The following TSPEAR variants were observed in gnomAD, a reference collection of about 807,000 sequenced individuals.
TSPEAR encodes the protein thrombospondin-type laminin G domain and EAR repeat-containing protein.
Under a neutral mutation model 71.6 loss-of-function variants are expected in TSPEAR, and 69 were observed. The observed-to-expected ratio is 0.96, with a 90% CI of 0.79 to 1.18. The LOEUF (loss-of-function observed/expected upper bound fraction) is 1.18, where lower values mean the gene tolerates loss of function less well. Among genes scored for constraint, TSPEAR ranks in the 50% most tolerant of loss-of-function variants. The probability of loss-of-function intolerance (pLI) is 0.00; values close to 1 mark genes in which losing one functional copy is unlikely to be tolerated. For missense variants in TSPEAR, 971 were observed against 894.9 expected, an observed-to-expected ratio of 1.09 and a Z score of -1.09; for synonymous variants, 402 against 387.2, an observed-to-expected ratio of 1.04 and a Z score of -0.45.
intron 9 of TSPEAR, among the ~76,000 whole-genome samples, chr21:44,516,760 C>G (rs1456982506): frequency 1.3e-5 from 2 of 152,196 alleles, no homozygotes; most frequent in African/African-American, 4.8e-5. Context: ...ATTCTCCTTT[C>G]ATGCTTAAAA....
rs587683778 is a variant in TSPEAR at position 44,627,192 on chromosome 21, C to T, written c.83-59187G>A. On this transcript the variant is annotated intron_variant, in intron 1 of 11. Transcript: ENST00000323084. ...CCAGCATGGCCGCGTCCACCATGTC[C>T]ATCCGCTCCAGCGCTTACTCCGACT... 1,473 of 1,612,198 alleles carry T rather than the reference C, an allele frequency of 9.1e-4. 11 individuals carry two copies. In the African/African-American group the frequency reaches 0.017, roughly 19 times the overall value.
chr21:44,579,792 G>A (rs199500284), intron 1 of TSPEAR: 224 of 1,608,716 alleles, frequency 1.4e-4, no homozygotes, highest in African/African-American at 1.1e-4. Flanking sequence ...CACGCGGGGC[G>A]GCAGAGGAGG....
In TSPEAR at chr21:44,666,864, G is replaced by T. The variant is rs373803066; in HGVS notation, c.82+44569C>A. 2.5e-6 allele frequency: 4 copies of T among 1,613,690 alleles called. No homozygotes were observed. The East Asian group carries it at 8.9e-5, about 36-fold the overall frequency. On this transcript the variant is annotated intron_variant, in intron 1 of 11. Coordinates refer to ENST00000323084, the MANE Select transcript of TSPEAR (RefSeq NM_144991.3). ...CGCGCAGCAGGCTGGCTGGCAGCCCGAGGAGCAGCTGGTATGACACATGGT... is the reference window on the plus strand; with the variant it reads ...CGCGCAGCAGGCTGGCTGGCAGCCCTAGGAGCAGCTGGTATGACACATGGT...
chr21:44,677,327 C>T (rs1883040), intron 1 of TSPEAR: 39 of 1,228,630 alleles, frequency 3.2e-5, no homozygotes, highest in African/African-American at 6.0e-5. Context: ...TCTTCTTGCC[C>T]TCAATCTCAG....
At chr21:44,560,253 AT>A (rs2053613177) in intron 2 of TSPEAR, among the ~76,000 whole-genome samples, 3 of 152,180 alleles carry the variant, frequency 2.0e-5, no homozygotes, top group Non-Finnish European at 4.4e-5. Flanking sequence ...TTACATAATG[AT>A]AAAGGGATCA....
At chr21:44,697,854 C>T (rs201500011) in intron 1 of TSPEAR, 4 of 1,603,994 alleles carry the variant, frequency 2.5e-6, no homozygotes, top group Non-Finnish European at 8.5e-7. Context: ...TGTGTCCCCA[C>T]CTCCTCCTGC....
In TSPEAR at chr21:44,528,480, A is replaced by G; in HGVS notation, c.894T>C (p.Val298=). The change falls in exon 6 of 12, where the codon GTT becomes GTC. Residue 298 remains valine, a synonymous_variant. Coordinates refer to ENST00000323084, the MANE Select transcript of TSPEAR (RefSeq NM_144991.3). The stretch of plus-strand genomic sequence containing the variant: ...CTAACACGGAGACCCACTCGTTGCC[A>G]ACACACAGATACAGGCCCTTCCGGC... ...DASRKGLYLC[V]GNEWVSVLAA... is the part of the protein sequence containing the mutation. 6.2e-7 allele frequency: 1 copy of G among 1,613,994 alleles called. No homozygotes were observed. Among genetic ancestry groups the G allele is most frequent in the South Asian group, 1.1e-5 (1 of 91,082 alleles).
At chr21:44,672,215 C>A (rs1986088438) in intron 1 of TSPEAR, among the ~76,000 whole-genome samples, 1 of 152,118 alleles carries the variant, frequency 6.6e-6, no homozygotes, top group Non-Finnish European at 1.5e-5. Context: ...ATAAAGTGAG[C>A]AAATATTCTA....
intron 2 of TSPEAR, among the ~76,000 whole-genome samples, chr21:44,545,737 A>T (rs1178630415): frequency 6.6e-6 from 1 of 152,132 alleles, no homozygotes; most frequent in Admixed American, 6.5e-5. Flanking sequence ...GCAAACCAAA[A>T]CTTATGAGAT....
At chr21:44,592,271 A>C (rs782562235) in intron 1 of TSPEAR, 2 of 1,582,512 alleles carry the variant, frequency 1.3e-6, no homozygotes, top group East Asian at 2.3e-5. Context: ...CTGGGCTCAC[A>C]GGTCACTGGG....
At chr21:44,670,333 C>A (rs1555945662) in intron 1 of TSPEAR, among the ~76,000 whole-genome samples, 1 of 151,906 alleles carries the variant, frequency 6.6e-6, no homozygotes, top group Admixed American at 6.6e-5. Context: ...ACTAGAGGCA[C>A]CTGACACTTG....
In TSPEAR at chr21:44,540,026, C is replaced by G. The variant is rs782152845; in HGVS notation, c.304-6103G>C. ...CACTGGGGTGCAGACCAGGGTCAGG[C>G]AGGGGGCCGGGGCGCAGCAGCTGAG... On this transcript the variant is annotated intron_variant, in intron 2 of 11. Coordinates refer to ENST00000323084, the MANE Select transcript of TSPEAR (RefSeq NM_144991.3). The G allele has an allele frequency of 3.3e-5, 53 of 1,613,060 alleles. No individual in the cohort carries two copies. The East Asian group carries it at 9.6e-4, about 29-fold the overall frequency.
chr21:44,537,847 T>C (rs1483090434), intron 2 of TSPEAR, among the ~76,000 whole-genome samples: 1 of 152,170 alleles, frequency 6.6e-6, no homozygotes, highest in East Asian at 1.9e-4. Flanking sequence ...GCTAGGAATG[T>C]GAACAGGAAA....
intron 1 of TSPEAR, among the ~76,000 whole-genome samples, chr21:44,679,294 A>G (rs1986468528): frequency 6.6e-6 from 1 of 152,214 alleles, no homozygotes; most frequent in African/African-American, 2.4e-5. Flanking sequence ...AATCTCATTC[A>G]CAATAGCTAT....
chr21:44,548,421 T>G (rs2053337992), intron 2 of TSPEAR, among the ~76,000 whole-genome samples: 1 of 152,128 alleles, frequency 6.6e-6, no homozygotes, highest in Non-Finnish European at 1.5e-5. Context: ...TCAGATAAAA[T>G]TGAACTCCAC....
chr21:44,620,301 C>G (rs1205582903), intron 1 of TSPEAR, among the ~76,000 whole-genome samples: 1 of 152,176 alleles, frequency 6.6e-6, no homozygotes. Flanking sequence ...AAAGATGTCC[C>G]TTACAAGAAA....
intron 2 of TSPEAR, among the ~76,000 whole-genome samples, chr21:44,552,460 G>A (rs941265438): frequency 4.6e-5 from 7 of 152,150 alleles, no homozygotes; most frequent in Non-Finnish European, 7.4e-5. Context: ...GGCAGCCTGG[G>A]ACGGGCTTTC....
rs188192153 is a variant in TSPEAR at position 44,681,959 on chromosome 21, G to A, written c.82+29474C>T. ...CGACGGGCCTGCAGCTCACGGGCAC[G>A]CACACAGAGGACTGGCATCTCACGG... On this transcript the variant is annotated intron_variant, in intron 1 of 11. Coordinates refer to ENST00000323084, the MANE Select transcript of TSPEAR (RefSeq NM_144991.3). The A allele has an allele frequency of 7.8e-5, 126 of 1,613,898 alleles. No homozygotes were observed. In the East Asian group the frequency reaches 1.8e-3, roughly 23 times the overall value.
Position 44,697,482 on chromosome 21 carries a change from G to A in TSPEAR, c.82+13951C>T, listed in dbSNP as rs782258353. ...CAGCAGTCTAGCTGCCAGCCGGCTT[G>A]CTGCACCTCCTCCCCCTGCCAGCAG... On this transcript the variant is annotated intron_variant, in intron 1 of 11. Transcript: ENST00000323084. The A allele has an allele frequency of 6.8e-6, 11 of 1,614,058 alleles. 1 individual carries two copies. The Middle Eastern group carries it at 5.0e-4, about 73-fold the overall frequency.
Sources: gnomAD v4.1 joint callset for allele counts (sites outside exome capture counted in the v4.1 genomes callset) on GRCh38, gnomAD v4.1.1 for gene constraint, MANE v1.5 for transcripts, NCBI Gene and HGNC (gene_info 2026-07-23, HGNC 2026-07-21) for gene names.